TRIM2: variants seen among roughly 807,000 people sequenced by gnomAD.
The protein encoded by TRIM2 is tripartite motif containing 2, also known as tripartite motif-containing protein 2.
In TRIM2, 20 loss-of-function variants were observed where a neutral mutation model predicts 75.2. That is an observed-to-expected ratio of 0.27 (90% CI 0.19 to 0.39). TRIM2 has a LOEUF of 0.39. Among genes scored for constraint, TRIM2 ranks in the 10% least tolerant of loss-of-function variants. The pLI, the probability that TRIM2 is intolerant of heterozygous loss-of-function variation, is 1.00. For synonymous variants in TRIM2, 373 were observed against 388.3 expected (o/e 0.96, Z 0.46); for missense variants, 660 against 990.8 (o/e 0.67, Z 4.48).
intron 1 of TRIM2, among the ~76,000 whole-genome samples, chr4:153,166,251 ATTTG>A (rs954589882): frequency 1.3e-5 from 2 of 150,886 alleles, no homozygotes; most frequent in Non-Finnish European, 3.0e-5. Context: ...CCTTTTTTCC[ATTTG>A]TTTGTTTTTG....
At chr4:153,242,248 C>T (rs180785741) in intron 1 of TRIM2, among the ~76,000 whole-genome samples, 27 of 152,148 alleles carry the variant, frequency 1.8e-4, no homozygotes, top group Admixed American at 2.6e-4. Flanking sequence ...TTGTTAAGGT[C>T]ACTCCGAGGA....
chr4:153,172,342 C>G (rs189562185), intron 1 of TRIM2, among the ~76,000 whole-genome samples: 2,720 of 152,176 alleles, frequency 0.018, 75 homozygotes, highest in African/African-American at 0.062. Context: ...CGCCCGCCAC[C>G]GCGCCCGGCT....
intron 1 of TRIM2, among the ~76,000 whole-genome samples, chr4:153,227,240 G>A (rs1355033788): frequency 6.6e-6 from 1 of 152,186 alleles, no homozygotes; most frequent in Non-Finnish European, 1.5e-5. Flanking sequence ...TGGATGAAGT[G>A]GCATTTGCTA....
At chr4:153,153,967 TG>T (rs935433352) in intron 1 of TRIM2, among the ~76,000 whole-genome samples, 7 of 148,766 alleles carry the variant, frequency 4.7e-5, no homozygotes, top group African/African-American at 7.9e-5. Context: ...AATATGAGTG[TG>T]GGGGGTGTGG....
chr4:153,282,357 A>G (rs1011776425), intron 3 of TRIM2, among the ~76,000 whole-genome samples: 2 of 152,218 alleles, frequency 1.3e-5, no homozygotes, highest in Non-Finnish European at 2.9e-5. Flanking sequence ...TAGGAATAAT[A>G]AGCCAGGTCT....
At chr4:153,153,992 C>T (rs540909053) in intron 1 of TRIM2, among the ~76,000 whole-genome samples, 1 of 151,952 alleles carries the variant, frequency 6.6e-6, no homozygotes, top group Admixed American at 6.6e-5. Context: ...TTTTTCCTTA[C>T]TATAGATTGC....
chr4:153,328,120 C>T (rs1770645774), intron 10 of TRIM2, among the ~76,000 whole-genome samples: 1 of 152,190 alleles, frequency 6.6e-6, no homozygotes, highest in Non-Finnish European at 1.5e-5. Context: ...TCTGATCCAA[C>T]TTTTAATGGT....
intron 1 of TRIM2, among the ~76,000 whole-genome samples, chr4:153,184,233 G>A (rs2149643358): frequency 6.6e-6 from 1 of 152,284 alleles, no homozygotes; most frequent in East Asian, 1.9e-4. Context: ...GAGGCTGGAA[G>A]TCGAAGGTCA....
At chr4:153,209,982 C>T (rs757281941) in intron 1 of TRIM2, among the ~76,000 whole-genome samples, 1 of 151,926 alleles carries the variant, frequency 6.6e-6, no homozygotes, top group Non-Finnish European at 1.5e-5. Context: ...CCATAAACAG[C>T]ATTTGTGCTT....
chr4:153,249,240 A>G (rs1578965788), intron 1 of TRIM2, among the ~76,000 whole-genome samples: 1 of 152,372 alleles, frequency 6.6e-6, no homozygotes, highest in South Asian at 2.1e-4. Context: ...CGCAATCGCC[A>G]TCTGGGTGGA....
chr4:153,334,389 T>C (rs1259387656), intron 11 of TRIM2, among the ~76,000 whole-genome samples: 1 of 151,808 alleles, frequency 6.6e-6, no homozygotes, highest in Non-Finnish European at 1.5e-5. Context: ...TTGCTTTTTT[T>C]TTTTTCTGCT....
At chr4:153,244,198 CTCCTTT>C (rs1747654451) in intron 1 of TRIM2, among the ~76,000 whole-genome samples, 1 of 143,152 alleles carries the variant, frequency 7.0e-6, no homozygotes, top group Non-Finnish European at 1.5e-5. Flanking sequence ...TCTTCTTCTC[CTCCTTT>C]TCCTTCTCCT....
At chr4:153,261,219 C>T (rs1302033276) in intron 1 of TRIM2, among the ~76,000 whole-genome samples, 1 of 152,132 alleles carries the variant, frequency 6.6e-6, no homozygotes, top group Non-Finnish European at 1.5e-5. Context: ...CCCAGGAGTT[C>T]GAGACCAGCC....
In TRIM2 at chr4:153,229,642, T is replaced by C. The variant is rs550886018; in HGVS notation, c.30+25082T>C. Among the ~76,000 whole-genome samples the C allele has an allele frequency of 3.3e-5, 5 of 152,272 alleles. No homozygotes were observed. In the East Asian group the frequency reaches 9.6e-4, roughly 29 times the overall value. ...GCCTTTAAACATCAAGAAGGGGAAA[T>C]AATTATTAAGCATTTGCTTGGAACA... On this transcript the variant is annotated intron_variant, in intron 1 of 11. Coordinates refer to ENST00000338700, the MANE Select transcript of TRIM2 (RefSeq NM_015271.5).
intron 1 of TRIM2, among the ~76,000 whole-genome samples, chr4:153,230,371 A>G (rs1226226847): frequency 6.6e-6 from 1 of 152,062 alleles, no homozygotes; most frequent in Admixed American, 6.6e-5. Flanking sequence ...TTTGCAGGAC[A>G]GGGTTTTGAC....
intron 1 of TRIM2, among the ~76,000 whole-genome samples, chr4:153,209,074 C>T (rs1363409925): frequency 6.6e-6 from 1 of 152,196 alleles, no homozygotes; most frequent in African/African-American, 2.4e-5. Context: ...TGAGGTCCAG[C>T]AGCCAAAGAT....
intron 1 of TRIM2, among the ~76,000 whole-genome samples, chr4:153,153,583 C>A (rs1216790292): frequency 6.6e-6 from 1 of 152,240 alleles, no homozygotes; most frequent in Non-Finnish European, 1.5e-5. Flanking sequence ...GGCAGGCAGC[C>A]CCGTCCCGCC....
chr4:153,328,990 T>C (rs1468871277), intron 11 of TRIM2, among the ~76,000 whole-genome samples: 1 of 152,208 alleles, frequency 6.6e-6, no homozygotes, highest in Non-Finnish European at 1.5e-5. Context: ...TCATTTCCCT[T>C]AATCATGAAT....
intron 3 of TRIM2, among the ~76,000 whole-genome samples, chr4:153,278,387 T>C (rs1354713791): frequency 6.6e-6 from 1 of 152,232 alleles, no homozygotes; most frequent in African/African-American, 2.4e-5. Flanking sequence ...GTGCTGAAAT[T>C]ACAGGTATGC....
Sources: gnomAD v4.1 joint callset for allele counts (sites outside exome capture counted in the v4.1 genomes callset) on GRCh38, gnomAD v4.1.1 for gene constraint, MANE v1.5 for transcripts, NCBI Gene and HGNC (gene_info 2026-07-23, HGNC 2026-07-21) for gene names.